Variants in CATSPERT observed in about 807,000 individuals in gnomAD.
The protein encoded by CATSPERT is cation channel sperm-associated targeting subunit tau.
At chr2:201,491,987 G>T in the CATSPERT span, 1 of 1,536,932 alleles carries the variant, frequency 6.5e-7, no homozygotes, top group Non-Finnish European at 8.7e-7. Context: ...TTGGAAGAAG[G>T]TTGTACTTTG....
the CATSPERT span, among the ~76,000 whole-genome samples, chr2:201,609,738 A>G: frequency 6.6e-6 from 1 of 152,234 alleles, no homozygotes; most frequent in Admixed American, 6.5e-5. Context: ...TCAAAGAAGT[A>G]GAAAGGTTTC....
the CATSPERT span, chr2:201,535,308 T>C: frequency 4.1e-6 from 4 of 984,838 alleles, no homozygotes; most frequent in Non-Finnish European, 4.8e-6. Context: ...CTTTATCTTC[T>C]GACCTATATA....
chr2:201,613,513 CAAACAG>C, the CATSPERT span, among the ~76,000 whole-genome samples: 1 of 152,170 alleles, frequency 6.6e-6, no homozygotes, highest in Non-Finnish European at 1.5e-5. Context: ...GGAAAACTAA[CAAACAG>C]AAAGGACATC....
the CATSPERT span, among the ~76,000 whole-genome samples, chr2:201,618,743 G>T: frequency 2.7e-5 from 4 of 150,302 alleles, no homozygotes; most frequent in Non-Finnish European, 4.4e-5. Context: ...AAAAGGAATT[G>T]CTATAAACGA....
the CATSPERT span, among the ~76,000 whole-genome samples, chr2:201,564,873 A>T: frequency 6.6e-6 from 1 of 152,246 alleles, no homozygotes; most frequent in African/African-American, 2.4e-5. Context: ...GCTGACCGAG[A>T]CAATAATAAA....
the CATSPERT span, among the ~76,000 whole-genome samples, chr2:201,597,847 A>G: frequency 6.6e-6 from 1 of 152,308 alleles, no homozygotes; most frequent in South Asian, 2.1e-4. Flanking sequence ...GCTTTCTGGA[A>G]CAATTAAACT....
chr2:201,504,301 C>T, the CATSPERT span, among the ~76,000 whole-genome samples: 2 of 152,236 alleles, frequency 1.3e-5, no homozygotes, highest in African/African-American at 4.8e-5. Context: ...ATAAGGCTCA[C>T]TTTGTCCCTG....
chr2:201,594,355 G>A, the CATSPERT span, among the ~76,000 whole-genome samples: 2 of 152,202 alleles, frequency 1.3e-5, no homozygotes, highest in Non-Finnish European at 2.9e-5. Flanking sequence ...TCCACTGTTA[G>A]TCTGATGGGC....
chr2:201,511,317 C>T, the CATSPERT span, among the ~76,000 whole-genome samples: 2 of 152,070 alleles, frequency 1.3e-5, no homozygotes, highest in Non-Finnish European at 2.9e-5. Flanking sequence ...TAATACTTAC[C>T]GTTTAGCAAG....
the CATSPERT span, among the ~76,000 whole-genome samples, chr2:201,527,077 C>T: frequency 2.0e-5 from 3 of 152,170 alleles, no homozygotes. Context: ...ATGCAAAAAT[C>T]AATGTATAAA....
chr2:201,548,230 A>C, the CATSPERT span, among the ~76,000 whole-genome samples: 2 of 152,104 alleles, frequency 1.3e-5, no homozygotes, highest in Non-Finnish European at 2.9e-5. Flanking sequence ...TCACAGTTCT[A>C]GAGGCCAGGA....
the CATSPERT span, among the ~76,000 whole-genome samples, chr2:201,606,569 C>T: frequency 3.9e-5 from 6 of 152,264 alleles, no homozygotes; most frequent in Non-Finnish European, 7.4e-5. Flanking sequence ...TGAGCTTCAA[C>T]CAAACCAAAA....
At chr2:201,510,279 A>G in the CATSPERT span, among the ~76,000 whole-genome samples, 1 of 143,868 alleles carries the variant, frequency 7.0e-6, no homozygotes, top group Admixed American at 6.7e-5. Context: ...CCCTGTCTCT[A>G]CTAAAAATAC....
chr2:201,492,892 G>T, the CATSPERT span: 1 of 1,536,584 alleles, frequency 6.5e-7, no homozygotes, highest in Non-Finnish European at 8.7e-7. Flanking sequence ...ACTTAATTCA[G>T]ATTTTAAATG....
chr2:201,528,049 G>C, the CATSPERT span, among the ~76,000 whole-genome samples: 1 of 132,874 alleles, frequency 7.5e-6, no homozygotes, highest in East Asian at 2.3e-4. Context: ...TAAGGAACTT[G>C]AATCAACAAG....
chr2:201,547,114 G>T, the CATSPERT span, among the ~76,000 whole-genome samples: 1 of 152,206 alleles, frequency 6.6e-6, no homozygotes, highest in East Asian at 1.9e-4. Context: ...GCTGCCTAGG[G>T]CTAGTGGAGG....
chr2:201,545,565 C>T, the CATSPERT span: 2 of 1,479,310 alleles, frequency 1.4e-6, no homozygotes, highest in Non-Finnish European at 1.8e-6. Flanking sequence ...TATTTTCAAG[C>T]TCCTCTTCAG....
chr2:201,501,109 A>G, the CATSPERT span, among the ~76,000 whole-genome samples: 1 of 152,060 alleles, frequency 6.6e-6, no homozygotes, highest in African/African-American at 2.4e-5. Context: ...AAAAAGAGAA[A>G]GATCTCAGGC....
chr2:201,601,311 TGTGTGG>T, the CATSPERT span, among the ~76,000 whole-genome samples: 877 of 144,036 alleles, frequency 6.1e-3, 12 homozygotes, highest in African/African-American at 0.016. Flanking sequence ...TGTGTGTGTG[TGTGTGG>T]GTTGTAATAA....
Sources: gnomAD v4.1 joint callset for allele counts (sites outside exome capture counted in the v4.1 genomes callset) on GRCh38, gnomAD v4.1.1 for gene constraint, MANE v1.5 for transcripts, NCBI Gene and HGNC (gene_info 2026-07-23, HGNC 2026-07-21) for gene names.